Variants in ATP6V0A2 observed in about 807,000 individuals in gnomAD.
ATP6V0A2 encodes V-type proton ATPase 116 kDa subunit a 2.
A neutral mutation model predicts 104.4 loss-of-function variants in ATP6V0A2; 58 were observed. That is an observed-to-expected ratio of 0.56 (90% CI 0.45 to 0.69). ATP6V0A2 has a LOEUF of 0.69. Ranked by LOEUF, ATP6V0A2 falls within the 30% of genes least tolerant of loss-of-function variation. The pLI, the probability that ATP6V0A2 is intolerant of heterozygous loss-of-function variation, is 0.00. For missense variants in ATP6V0A2, 938 were observed against 1,062.9 expected (o/e 0.88, Z 1.63); for synonymous variants, 376 against 397.9 (o/e 0.95, Z 0.65).
chr12:123,728,465 G>C (rs1956469307), intron 6 of ATP6V0A2, among the ~76,000 whole-genome samples: 1 of 149,742 alleles, frequency 6.7e-6, no homozygotes, highest in Non-Finnish European at 1.5e-5. Context: ...GCCCAGACTG[G>C]TCTTGAGCCA....
chr12:123,761,548 C>G lies in ATP6V0A2; in HGVS notation c.*3516C>G, dbSNP rs1956825321. Reference sequence around the variant, plus strand: ...TTTCAGAAATACTTAGTACACTCCACCTGTTCTTTGATGGGAATATCTAAG... The same window carrying G: ...TTTCAGAAATACTTAGTACACTCCAGCTGTTCTTTGATGGGAATATCTAAG... On this transcript the variant is annotated 3_prime_UTR_variant, in exon 20 of 20. Transcript: ENST00000330342. 6.6e-6 allele frequency: 1 copy of G among 152,126 alleles called. No homozygotes were observed. The highest frequency in any genetic ancestry group is 6.6e-5 in the Admixed American group (1 of 15,264). 9.4% of individuals were successfully genotyped at this position (152,126 alleles called of 1,614,324 possible). A position where few individuals can be genotyped will look rare whatever the true frequency, so the allele number is the denominator to read the frequency against.
intron 1 of ATP6V0A2, among the ~76,000 whole-genome samples, chr12:123,713,861 A>G (rs949415912): frequency 6.6e-6 from 1 of 152,122 alleles, no homozygotes; most frequent in Non-Finnish European, 1.5e-5. Context: ...CCTACCCGAG[A>G]TCTGATATCC....
chr12:123,743,778 G>T lies in ATP6V0A2; in HGVS notation c.1039-7G>T. ...TAATTTTTTATCTTTCCTTGTTTAT[G>T]TGGAAGAGAGAGAGTGGTGCTACAA... is the stretch of plus-strand genomic sequence containing the variant. On this transcript the variant is annotated splice_region_variant and splice_polypyrimidine_tract_variant and intron_variant, in intron 9 of 19. Coordinates refer to ENST00000330342, the MANE Select transcript of ATP6V0A2 (RefSeq NM_012463.4). The T allele has an allele frequency of 6.2e-7, 1 of 1,613,966 alleles. No individual in the cohort carries two copies. Among genetic ancestry groups the T allele is most frequent in the Non-Finnish European group, 8.5e-7 (1 of 1,179,828 alleles).
chr12:123,729,322 G>GTTTTTGTTTTTTTTT (rs1555296871), intron 6 of ATP6V0A2, among the ~76,000 whole-genome samples: 2 of 113,890 alleles, frequency 1.8e-5, no homozygotes, highest in Non-Finnish European at 3.4e-5. Context: ...CAAGGAGGCT[G>GTTTTTGTTTTTTTTT]TTTTTTTTTT....
Position 123,744,868 on chromosome 12 carries a change from G to T in ATP6V0A2, c.1515-14G>T, listed in dbSNP as rs777021990. 6 of 1,614,056 alleles carry T rather than the reference G, an allele frequency of 3.7e-6. No individual in the cohort carries two copies. The highest frequency in any genetic ancestry group is 1.1e-5 in the South Asian group (1 of 91,074). On this transcript the variant is annotated splice_polypyrimidine_tract_variant and intron_variant, in intron 12 of 19. Coordinates refer to ENST00000330342, the MANE Select transcript of ATP6V0A2 (RefSeq NM_012463.4). The surrounding 1 kb of genome is among the most constrained non-coding windows in gnomAD (Gnocchi z 5.4). Reference sequence around the variant, plus strand: ...CCTCCCAGGTCAGCCTCCTCACTCTGCTTTTTGTTACAGTGACAGCGTCGT... The same window carrying T: ...CCTCCCAGGTCAGCCTCCTCACTCTTCTTTTTGTTACAGTGACAGCGTCGT...
intron 2 of ATP6V0A2, among the ~76,000 whole-genome samples, chr12:123,720,794 G>A (rs1956391989): frequency 6.6e-6 from 1 of 152,136 alleles, no homozygotes; most frequent in Non-Finnish European, 1.5e-5. Context: ...TACTCTGAAG[G>A]TAGAGGCAGG....
rs558240611 is a variant in ATP6V0A2, at chr12:123,735,701, A to G, written c.825+77A>G. The G allele has an allele frequency of 1.0e-4, 121 of 1,181,138 alleles. No homozygotes were observed. The African/African-American group carries it at 1.6e-3, about 15-fold the overall frequency. 73.2% of individuals were successfully genotyped at this position (1,181,138 alleles called of 1,614,324 possible). ...TACACGTATATTTTCTCTCTTTTTT[A>G]ACATAGATAATATTGGTCGTAGACA... On this transcript the variant is annotated intron_variant, in intron 8 of 19. Coordinates refer to ENST00000330342, the MANE Select transcript of ATP6V0A2 (RefSeq NM_012463.4).
intron 6 of ATP6V0A2, chr12:123,732,751 A>T (rs1022597236): frequency 3.2e-4 from 20 of 63,386 alleles, no homozygotes; most frequent in Admixed American, 5.1e-4. Context: ...GCCCAAGCCC[A>T]CCCTCCCTCC....
At chr12:123,729,483 T>G (rs1263657429) in intron 6 of ATP6V0A2, among the ~76,000 whole-genome samples, 1 of 151,944 alleles carries the variant, frequency 6.6e-6, no homozygotes, top group African/African-American at 2.4e-5. Context: ...GTGGGCCAGT[T>G]ACTCTCCCCC....
intron 9 of ATP6V0A2, 83 bp downstream of exon 9, chr12:123,737,354 A>G (rs1956565670): frequency 1.5e-6 from 2 of 1,323,382 alleles, no homozygotes; most frequent in South Asian, 1.2e-5. Context: ...AGGAAGTGAG[A>G]ATTTCATAGA....
chr12:123,716,468 G>A (rs568650587), intron 1 of ATP6V0A2, among the ~76,000 whole-genome samples: 7 of 152,332 alleles, frequency 4.6e-5, no homozygotes, highest in South Asian at 4.1e-4. Flanking sequence ...TTATTGAGGT[G>A]TATGGTAGAG....
intron 4 of ATP6V0A2, 72 bp downstream of exon 4, chr12:123,724,863 G>A (rs1208030867): frequency 1.5e-6 from 2 of 1,368,494 alleles, no homozygotes; most frequent in East Asian, 4.7e-5. Context: ...ATTCCCATAG[G>A]CTGTGTATTT....
rs1299090819 is a variant in ATP6V0A2 at position 123,737,199 on chromosome 12, G to A, written c.966G>A (p.Lys322=). 2 of 1,614,040 alleles carry A rather than the reference G, an allele frequency of 1.2e-6. No individual in the cohort carries two copies. The highest frequency in any genetic ancestry group is 8.5e-7 in the Non-Finnish European group (1 of 1,180,040). The change falls in exon 9 of 20, where the codon AAG becomes AAA. Residue 322 remains lysine, a synonymous_variant. Transcript: ENST00000330342. ...LNMCSFDVTN[K]CLIAEVWCPE... ...TGTGCAGCTTTGACGTGACCAACAAGTGCCTCATTGCTGAGGTCTGGTGTC... is the reference window on the plus strand; with the variant it reads ...TGTGCAGCTTTGACGTGACCAACAAATGCCTCATTGCTGAGGTCTGGTGTC...
Position 123,760,651 on chromosome 12 carries a change from G to A in ATP6V0A2, c.*2619G>A, listed in dbSNP as rs1956805297. The A allele has an allele frequency of 6.6e-6, 1 of 152,214 alleles. No individual in the cohort carries two copies. Among genetic ancestry groups the A allele is most frequent in the East Asian group, 1.9e-4 (1 of 5,202 alleles). The allele number at this position is 152,214 out of a possible 1,614,324, so 9.4% of individuals were successfully genotyped here. On this transcript the variant is annotated 3_prime_UTR_variant, in exon 20 of 20. Transcript: ENST00000330342. ...AGATGTTTATTACCATGTGTTAACA[G>A]AATCTTAAAACCCAAGGGATTTCTT...
chr12:123,739,563 C>T (rs73420341), intron 9 of ATP6V0A2, among the ~76,000 whole-genome samples: 9,143 of 152,152 alleles, frequency 0.06, 804 homozygotes, highest in African/African-American at 0.2. Flanking sequence ...CAGGCGGAAG[C>T]GGGGAATCTC....
intron 1 of ATP6V0A2, among the ~76,000 whole-genome samples, chr12:123,716,284 C>T (rs1376473790): frequency 1.3e-5 from 2 of 152,130 alleles, no homozygotes; most frequent in East Asian, 3.9e-4. Flanking sequence ...CCAGGCTGGT[C>T]TCCAACTCCT....
At chr12:123,716,752 C>T (rs182963049) in intron 1 of ATP6V0A2, among the ~76,000 whole-genome samples, 2 of 150,032 alleles carry the variant, frequency 1.3e-5, no homozygotes, top group African/African-American at 4.9e-5. Flanking sequence ...GATTGCGCCA[C>T]TGGACTTCAG....
intron 1 of ATP6V0A2, among the ~76,000 whole-genome samples, chr12:123,712,955 T>C (rs1166723091): frequency 6.6e-6 from 1 of 152,094 alleles, no homozygotes; most frequent in Non-Finnish European, 1.5e-5. Context: ...GGCACCGAGC[T>C]CAGCGGGAGA....
chr12:123,716,451 C>G (rs943418998), intron 1 of ATP6V0A2, among the ~76,000 whole-genome samples: 1 of 152,190 alleles, frequency 6.6e-6, no homozygotes, highest in Non-Finnish European at 1.5e-5. Context: ...GTCATTTTTA[C>G]ACAACTTTAT....
Sources: gnomAD v4.1 joint callset for allele counts (sites outside exome capture counted in the v4.1 genomes callset) on GRCh38, gnomAD v4.1.1 for gene constraint, Gnocchi (gnomAD v3.1) non-coding constraint, MANE v1.5 for transcripts, NCBI Gene and HGNC (gene_info 2026-07-23, HGNC 2026-07-21) for gene names.